The following KIF1A variants were observed in gnomAD, a reference collection of about 807,000 sequenced individuals.
KIF1A encodes kinesin-like protein KIF1A.
In KIF1A, 46 loss-of-function variants were observed where a neutral mutation model predicts 227.3. That is an observed-to-expected ratio of 0.20 (90% CI 0.16 to 0.26). The LOEUF is 0.26. Among genes scored for constraint, KIF1A ranks in the 10% least tolerant of loss-of-function variants. KIF1A has a pLI of 1.00. For synonymous variants in KIF1A, 1,022 were observed against 1,012.8 expected (o/e 1.01, Z -0.17); for missense variants, 1,683 against 2,485.9 (o/e 0.68, Z 6.87).
Position 240,737,180 on chromosome 2 carries a change from G to A in KIF1A, c.3902-12C>T. On this transcript the variant is annotated splice_polypyrimidine_tract_variant and intron_variant, in intron 37 of 48. Transcript: ENST00000498729. ...GTTTCGGATGCGGCCTGCAGAAAAG[G>A]CAACGGGCCACAGGTCACTTCCCAG... 1.2e-6 allele frequency: 2 copies of A among 1,610,722 alleles called. No homozygotes were observed. The highest frequency in any genetic ancestry group is 1.1e-5 in the South Asian group (1 of 91,002).
At position 240,721,815 on chromosome 2, in the gene KIF1A, C is replaced by T. The variant is rs199797200; in HGVS notation, c.4735G>A (p.Glu1579Lys). 1.2e-6 allele frequency: 2 copies of T among 1,604,712 alleles called. No individual in the cohort carries two copies. Among genetic ancestry groups the T allele is most frequent in the Non-Finnish European group, 8.5e-7 (1 of 1,178,918 alleles). The change falls in exon 44 of 49, where the codon GAG (glutamate) becomes AAG (lysine). Residue 1579 changes from glutamate (E) to lysine (K), a missense_variant. Coordinates refer to ENST00000498729, the MANE Select transcript of KIF1A (RefSeq NM_001244008.2). Reference protein sequence around the residue: ...THSHVCVSASESKLSEMSVTL... With the variant: ...THSHVCVSASKSKLSEMSVTL... ...AGCCCCTCTGCACCCACCTTGCTCT[C>T]GCTGGCACTGACGCAGACGTGGCTG...
rs992126838 is a variant in KIF1A, at chr2:240,792,714, T to C, written c.107-3402A>G. ...GTCCCCAGATTCATATGCAATGCCC[T>C]GACCCCCAACCAGCTGGCATTTGGA... On this transcript the variant is annotated intron_variant, in intron 2 of 48. Coordinates refer to ENST00000498729, the MANE Select transcript of KIF1A (RefSeq NM_001244008.2). The surrounding 1 kb of genome is among the most constrained non-coding windows in gnomAD (Gnocchi z 4.5). Among the ~76,000 whole-genome samples, 3 of 152,158 alleles carry C rather than the reference T, an allele frequency of 2.0e-5. No homozygotes were observed. Among genetic ancestry groups the C allele is most frequent in the African/African-American group, 7.2e-5 (3 of 41,446 alleles).
chr2:240,791,530 C>T (rs1240066440), intron 2 of KIF1A, among the ~76,000 whole-genome samples: 1 of 110,424 alleles, frequency 9.1e-6, no homozygotes, highest in Non-Finnish European at 2.0e-5. Flanking sequence ...CATCCACCCC[C>T]TCGCCTCACC....
chr2:240,807,343 A>G (rs1467867107), intron 1 of KIF1A, among the ~76,000 whole-genome samples: 1 of 152,010 alleles, frequency 6.6e-6, no homozygotes, highest in African/African-American at 2.4e-5. Flanking sequence ...TGGTTTCTCC[A>G]TGTTGGTCAG....
intron 45 of KIF1A, 34 bp downstream of exon 45, chr2:240,720,880 C>T: frequency 2.6e-6 from 4 of 1,525,834 alleles, no homozygotes; most frequent in Non-Finnish European, 3.5e-6. Flanking sequence ...GCCGTGGTGC[C>T]AGAAGCCACT....
intron 42 of KIF1A, among the ~76,000 whole-genome samples, chr2:240,722,888 A>G (rs1221445099): frequency 2.0e-5 from 3 of 152,116 alleles, no homozygotes; most frequent in Non-Finnish European, 4.4e-5. Context: ...CATGGGCAGC[A>G]AGCAAGCTGC....
At position 240,765,752 on chromosome 2, in the gene KIF1A, C is replaced by G. The variant is rs747993082; in HGVS notation, c.1726G>C (p.Val576Leu). Residue 576 changes from valine (V) to leucine (L), a missense_variant, in exon 20 of 49, where the codon GTC becomes CTC. Physicochemically the swap from Val to Leu is conservative, Grantham distance 32. Transcript: ENST00000498729. Reference protein sequence around the residue: ...LEPCEGADTYVNGKKVTEPSI... With the variant: ...LEPCEGADTYLNGKKVTEPSI... ...GGCTCTGTGACTTTCTTGCCATTGA[C>G]GTAGGTGTCTGCCCCCTCACAGGGC... 2 of 1,613,692 alleles carry G rather than the reference C, an allele frequency of 1.2e-6. No homozygotes were observed. Among genetic ancestry groups the G allele is most frequent in the Non-Finnish European group, 1.7e-6 (2 of 1,179,842 alleles).
At chr2:240,733,167 T>C (rs1477272800) in intron 38 of KIF1A, among the ~76,000 whole-genome samples, 1 of 151,918 alleles carries the variant, frequency 6.6e-6, no homozygotes, top group Non-Finnish European at 1.5e-5. Context: ...ACGTGAAAGA[T>C]CAATGAGTGC....
At chr2:240,744,725 C>T (rs1014042681) in intron 32 of KIF1A, among the ~76,000 whole-genome samples, 3 of 152,190 alleles carry the variant, frequency 2.0e-5, no homozygotes, top group Admixed American at 2.0e-4. Flanking sequence ...GCCTCCAGAG[C>T]GATGGGAGGC....
rs1470837382 is a variant in KIF1A, at chr2:240,719,770, A to G, written c.5021+4T>C. 1 of 1,563,982 alleles carries G rather than the reference A, an allele frequency of 6.4e-7. No individual in the cohort carries two copies. Among genetic ancestry groups the G allele is most frequent in the Middle Eastern group, 1.7e-4 (1 of 5,738 alleles). ...GCGGTGCTTTCCAGGGAGGCCCCACACACCTGACTCGGATCTCCTGGATGT... is the reference window on the plus strand; with the variant it reads ...GCGGTGCTTTCCAGGGAGGCCCCACGCACCTGACTCGGATCTCCTGGATGT... On this transcript the variant is annotated splice_donor_region_variant and intron_variant, in intron 46 of 48. Coordinates refer to ENST00000498729, the MANE Select transcript of KIF1A (RefSeq NM_001244008.2).
At chr2:240,773,881 G>A (rs1477963593) in intron 12 of KIF1A, among the ~76,000 whole-genome samples, 9 of 149,134 alleles carry the variant, frequency 6.0e-5, no homozygotes, top group African/African-American at 2.0e-4. Context: ...TGGTTACCCC[G>A]GCCGGCAGGT....
chr2:240,819,018 C>G (rs2058522586), intron 1 of KIF1A: 1 of 152,276 alleles, frequency 6.6e-6, no homozygotes, highest in African/African-American at 2.4e-5. Context: ...GTCGCGCTCG[C>G]GCCCAGCAGG....
chr2:240,716,037 C>T lies in KIF1A; in HGVS notation c.*1327G>A, dbSNP rs2044565777. The T allele has an allele frequency of 6.6e-6, 1 of 152,264 alleles. No individual in the cohort carries two copies. Among genetic ancestry groups the T allele is most frequent in the Non-Finnish European group, 1.5e-5 (1 of 68,072 alleles). 9.4% of individuals were successfully genotyped at this position (152,264 alleles called of 1,614,324 possible). The stretch of plus-strand genomic sequence containing the variant: ...CCAGACTCTCAGCTTGGGGCTGACC[C>T]CCGTCCTGTCCTGGGTGGCCCTCGG... On this transcript the variant is annotated 3_prime_UTR_variant, in exon 49 of 49. Coordinates refer to ENST00000498729, the MANE Select transcript of KIF1A (RefSeq NM_001244008.2).
Position 240,746,047 on chromosome 2 carries a change from GTGT to G in KIF1A, c.3191_3193del (p.Asn1064del), listed in dbSNP as rs1328968228. On this transcript the variant is annotated inframe_deletion, in exon 30 of 49. Transcript: ENST00000498729. ...TGGGGTGGGCGACCCACCTGAACAG[GTGT>G]TGTTGTTGACTTCATCGGCTGAGGG... 6 of 1,607,796 alleles carry G rather than the reference GTGT, an allele frequency of 3.7e-6. No individual in the cohort carries two copies. Among genetic ancestry groups the G allele is most frequent in the Non-Finnish European group, 5.1e-6 (6 of 1,177,628 alleles).
At chr2:240,727,551 G>C (rs1012730753) in intron 38 of KIF1A, among the ~76,000 whole-genome samples, 4 of 152,234 alleles carry the variant, frequency 2.6e-5, no homozygotes, top group Non-Finnish European at 4.4e-5. Context: ...GGCCCCGGGG[G>C]GAGGATGCTT....
chr2:240,771,819 C>T (rs2052037086), intron 14 of KIF1A, among the ~76,000 whole-genome samples: 1 of 152,228 alleles, frequency 6.6e-6, no homozygotes, highest in East Asian at 1.9e-4. Flanking sequence ...GAGGAGCTCA[C>T]CCACCAGCCT....
chr2:240,764,144 C>G (rs775650019), intron 20 of KIF1A, among the ~76,000 whole-genome samples: 16 of 152,298 alleles, frequency 1.1e-4, no homozygotes, highest in Middle Eastern at 3.4e-3. Flanking sequence ...CTCTGCCCTG[C>G]CTCCCACCCA....
Position 240,782,598 on chromosome 2 carries a change from G to A in KIF1A, c.874C>T (p.Pro292Ser). 2 of 1,552,516 alleles carry A rather than the reference G, an allele frequency of 1.3e-6. No individual in the cohort carries two copies. Among genetic ancestry groups the A allele is most frequent in the Non-Finnish European group, 1.7e-6 (2 of 1,147,880 alleles). The change falls in exon 10 of 49, where the codon CCC (proline) becomes TCC (serine). Residue 292 changes from proline to serine, a missense_variant. By Grantham distance (74) the Pro-to-Ser change is moderately conservative. Transcript: ENST00000498729. ...TGAAGGAAGCCGCTTACCTTGTTGG[G>A]TCCGGAGTCCTGAAAAGGAAAAGAC... is the stretch of plus-strand genomic sequence containing the variant. ...ISALAEMDSG[P>S]NKNKKKKKTD...
At chr2:240,761,920 C>T (rs2125898331) in intron 23 of KIF1A, among the ~76,000 whole-genome samples, 1 of 152,214 alleles carries the variant, frequency 6.6e-6, no homozygotes, top group South Asian at 2.1e-4. Flanking sequence ...GTGGCCCTGG[C>T]CCGTACACTC....
Sources: gnomAD v4.1 joint callset for allele counts (sites outside exome capture counted in the v4.1 genomes callset) on GRCh38, gnomAD v4.1.1 for gene constraint, Gnocchi (gnomAD v3.1) non-coding constraint, MANE v1.5 for transcripts, NCBI Gene and HGNC (gene_info 2026-07-23, HGNC 2026-07-21) for gene names.